KCNN2: variants seen among roughly 807,000 people sequenced by gnomAD.
KCNN2 encodes the protein potassium calcium-activated channel subfamily N member 2, also known as small conductance calcium-activated potassium channel protein 2.
Under a neutral mutation model 55.5 loss-of-function variants are expected in KCNN2, and 24 were observed. The ratio of observed to expected loss-of-function variants is 0.43; its 90% confidence interval spans 0.31 to 0.61. The LOEUF (loss-of-function observed/expected upper bound fraction) is 0.61. Ranked by LOEUF, KCNN2 falls within the 20% of genes least tolerant of loss-of-function variation. The pLI is 0.08. For missense variants in KCNN2, 754 were observed against 853.6 expected, an observed-to-expected ratio of 0.88 and a Z score of 1.45; for synonymous variants, 431 against 336.1, an observed-to-expected ratio of 1.28 and a Z score of -3.09.
Position 114,404,605 on chromosome 5 carries a change from C to T in KCNN2, c.1386C>T (p.Thr462=). 1 of 1,613,532 alleles carries T rather than the reference C, an allele frequency of 6.2e-7. No homozygotes were observed. The highest frequency in any genetic ancestry group is 1.3e-5 in the African/African-American group (1 of 75,020). Residue 462 remains threonine (T), a synonymous_variant, in exon 3 of 8, where the codon ACC becomes ACT. Coordinates refer to ENST00000673685, the MANE Select transcript of KCNN2 (RefSeq NM_021614.4). ...RLAFSYAPST[T]TADVDIILSI... ...CCTTCTCCTATGCCCCATCCACAAC[C>T]ACCGCTGATGTGGATATTATTTTAT...
chr5:114,287,219 A>G (rs1355249512), intron 2 of KCNN2, among the ~76,000 whole-genome samples: 2 of 152,188 alleles, frequency 1.3e-5, no homozygotes, highest in East Asian at 3.9e-4. Flanking sequence ...AGAAACAGAA[A>G]TACCATTTGA....
At chr5:114,345,494 C>T (rs140275751) in intron 2 of KCNN2, among the ~76,000 whole-genome samples, 8 of 152,210 alleles carry the variant, frequency 5.3e-5, no homozygotes, top group African/African-American at 1.9e-4. Context: ...TAAAATCAAC[C>T]AGGATGTAGG....
At chr5:114,249,479 G>T (rs1342140889) in intron 2 of KCNN2, among the ~76,000 whole-genome samples, 2 of 151,680 alleles carry the variant, frequency 1.3e-5, no homozygotes, top group South Asian at 2.1e-4. Context: ...TAGAGATGAG[G>T]TTTCACCATG....
chr5:114,478,448 G>T (rs954502722), intron 5 of KCNN2, among the ~76,000 whole-genome samples: 6 of 151,876 alleles, frequency 4.0e-5, no homozygotes, highest in Non-Finnish European at 8.8e-5. Context: ...GAGATGGGGA[G>T]TATGGTACTA....
At chr5:114,224,745 C>T (rs755883243) in intron 2 of KCNN2, among the ~76,000 whole-genome samples, 22 of 152,100 alleles carry the variant, frequency 1.4e-4, no homozygotes, top group Non-Finnish European at 2.9e-4. Context: ...CTTTCTTCTC[C>T]GGTTGTGCTG....
intron 3 of KCNN2, among the ~76,000 whole-genome samples, chr5:114,449,037 T>TAGG (rs1760535465): frequency 6.6e-6 from 1 of 152,174 alleles, no homozygotes; most frequent in African/African-American, 2.4e-5. Context: ...CTAGTGTTGG[T>TAGG]AGGAGAGGCA....
chr5:114,241,340 G>A (rs1416727696), intron 2 of KCNN2, among the ~76,000 whole-genome samples: 2 of 151,828 alleles, frequency 1.3e-5, no homozygotes, highest in African/African-American at 4.8e-5. Flanking sequence ...TTTTGGAGAA[G>A]AGCCAAAACA....
chr5:114,404,349 G>C, intron 2 of KCNN2, 89 bp from the exon 3 acceptor site: 1 of 1,036,454 alleles, frequency 9.6e-7, no homozygotes, highest in Non-Finnish European at 1.4e-6. Context: ...ATTGCTAAAA[G>C]TCATCTGTTG....
intron 1 of KCNN2, among the ~76,000 whole-genome samples, chr5:114,178,078 C>T (rs185045957): frequency 2.3e-4 from 35 of 152,238 alleles, no homozygotes; most frequent in African/African-American, 7.7e-4. Context: ...TCTTCCTATT[C>T]ACTGCCTATT....
At chr5:114,196,070 C>G (rs1753550459) in intron 1 of KCNN2, among the ~76,000 whole-genome samples, 1 of 151,946 alleles carries the variant, frequency 6.6e-6, no homozygotes, top group Non-Finnish European at 1.5e-5. Context: ...ATTCAATTGT[C>G]TTGGCACCCT....
chr5:114,081,800 A>T (rs987720172), intron 1 of KCNN2, among the ~76,000 whole-genome samples: 1 of 152,192 alleles, frequency 6.6e-6, no homozygotes, highest in Admixed American at 6.5e-5. Flanking sequence ...TTTGTGCTTC[A>T]TAAGACAGCA....
intron 1 of KCNN2, among the ~76,000 whole-genome samples, chr5:114,116,954 G>A (rs1751719357): frequency 6.6e-6 from 1 of 152,134 alleles, no homozygotes; most frequent in African/African-American, 2.4e-5. Flanking sequence ...CAAGGAGACA[G>A]TCAGACAGGT....
intron 1 of KCNN2, among the ~76,000 whole-genome samples, chr5:114,156,622 A>T (rs1316447540): frequency 6.6e-6 from 1 of 151,874 alleles, no homozygotes; most frequent in Admixed American, 6.6e-5. Context: ...GTATTTCTAG[A>T]TATTTTATTC....
intron 2 of KCNN2, among the ~76,000 whole-genome samples, chr5:114,342,027 A>C (rs1484587909): frequency 2.0e-5 from 3 of 150,956 alleles, no homozygotes; most frequent in Non-Finnish European, 2.9e-5. Flanking sequence ...TCAGCCTCCC[A>C]AGTAGCTGGG....
chr5:114,424,840 C>T (rs1316744737), intron 3 of KCNN2, among the ~76,000 whole-genome samples: 1 of 152,190 alleles, frequency 6.6e-6, no homozygotes, highest in African/African-American at 2.4e-5. Context: ...ACAATATACA[C>T]TGAACACAGG....
At chr5:114,471,000 G>C (rs944873425) in intron 4 of KCNN2, among the ~76,000 whole-genome samples, 4 of 152,132 alleles carry the variant, frequency 2.6e-5, no homozygotes, top group African/African-American at 9.7e-5. Context: ...AGTTATACCA[G>C]TTACACAATA....
intron 2 of KCNN2, among the ~76,000 whole-genome samples, chr5:114,286,155 C>T (rs1163623724): frequency 6.6e-6 from 1 of 152,086 alleles, no homozygotes; most frequent in East Asian, 1.9e-4. Context: ...TCCTAGTCTC[C>T]TTCCTAATTT....
intron 2 of KCNN2, among the ~76,000 whole-genome samples, chr5:114,355,824 A>G (rs1359488594): frequency 6.6e-6 from 1 of 152,208 alleles, no homozygotes; most frequent in African/African-American, 2.4e-5. Context: ...GGCTGGCAGC[A>G]AAGTAGATAG....
intron 2 of KCNN2, among the ~76,000 whole-genome samples, chr5:114,381,735 G>A (rs72799692): frequency 0.042 from 6,391 of 152,222 alleles, 174 homozygotes; most frequent in Middle Eastern, 0.061. Flanking sequence ...CAACATTTGC[G>A]TTTGTTACTG....
Sources: gnomAD v4.1 joint callset for allele counts (sites outside exome capture counted in the v4.1 genomes callset) on GRCh38, gnomAD v4.1.1 for gene constraint, MANE v1.5 for transcripts, NCBI Gene and HGNC (gene_info 2026-07-23, HGNC 2026-07-21) for gene names.